Variants in MYOF observed in about 807,000 individuals in gnomAD.
The protein encoded by MYOF is myoferlin, also known as fer-1-like 3, myoferlin.
In MYOF, 244 loss-of-function variants were observed where a neutral mutation model predicts 284.2. That is an observed-to-expected ratio of 0.86 (90% CI 0.77 to 0.95). MYOF has a LOEUF of 0.95. Among genes scored for constraint, MYOF ranks in the 40% least tolerant of loss-of-function variants. The probability of loss-of-function intolerance (pLI) is 0.00; values close to 1 mark genes in which losing one functional copy is unlikely to be tolerated. For synonymous variants in MYOF, 904 were observed against 919.7 expected (o/e 0.98, Z 0.31); for missense variants, 2,496 against 2,560.6 (o/e 0.97, Z 0.54).
rs1845063317 is a variant in MYOF, at chr10:93,361,377, C to A, written c.2974+75G>T. On this transcript the variant is annotated intron_variant, in intron 28 of 53. Coordinates refer to ENST00000359263, the MANE Select transcript of MYOF (RefSeq NM_013451.4). ...ACCAACAGAAGTGAGGCCCCTCCCTCCCAAGGAAACTTTATCCTGGTTAAC... is the reference window on the plus strand; with the variant it reads ...ACCAACAGAAGTGAGGCCCCTCCCTACCAAGGAAACTTTATCCTGGTTAAC... 4 of 1,429,620 alleles carry A rather than the reference C, an allele frequency of 2.8e-6. No homozygotes were observed. In the South Asian group the frequency reaches 4.9e-5, roughly 17 times the overall value. The allele number at this position is 1,429,620 out of a possible 1,614,324, so 88.6% of individuals were successfully genotyped here.
rs756295774 is a variant in MYOF, at chr10:93,372,921, G to A, written c.2457+9C>T. The A allele has an allele frequency of 3.1e-6, 5 of 1,614,120 alleles. No homozygotes were observed. Among genetic ancestry groups the A allele is most frequent in the Non-Finnish European group, 8.5e-7 (1 of 1,179,958 alleles). ...AGTGTGTTTCACATGACACAGTGAA[G>A]ATATGTACCTTCAGAAAGATGGTTT... On this transcript the variant is annotated intron_variant, in intron 24 of 53. Transcript: ENST00000359263.
intron 3 of MYOF, among the ~76,000 whole-genome samples, chr10:93,439,076 C>G (rs981779432): frequency 2.6e-5 from 4 of 152,252 alleles, no homozygotes; most frequent in Non-Finnish European, 5.9e-5. Context: ...CTGACATAGC[C>G]TGAAGGCTGT....
At chr10:93,323,623 T>C (rs937739485) in intron 46 of MYOF, 1 of 451,670 alleles carries the variant, frequency 2.2e-6, no homozygotes, top group Admixed American at 3.9e-5. Flanking sequence ...GGGTCTCGCC[T>C]GGTTAATAAA....
intron 17 of MYOF, among the ~76,000 whole-genome samples, chr10:93,392,007 TG>T (rs1172740723): frequency 2.0e-5 from 3 of 152,198 alleles, no homozygotes; most frequent in African/African-American, 7.2e-5. Flanking sequence ...GGTTCTATCA[TG>T]TGATACTACT....
At chr10:93,319,698 T>C (rs1052405240) in intron 49 of MYOF, among the ~76,000 whole-genome samples, 174 bp downstream of exon 49, 1 of 152,086 alleles carries the variant, frequency 6.6e-6, no homozygotes, top group African/African-American at 2.4e-5. Context: ...CACAAATACC[T>C]GTCCTAGCAG....
chr10:93,440,826 G>T (rs947124784), intron 3 of MYOF, among the ~76,000 whole-genome samples: 3 of 152,000 alleles, frequency 2.0e-5, no homozygotes, highest in Non-Finnish European at 4.4e-5. Context: ...CAGCCTCTCT[G>T]GGTATCTTTC....
At chr10:93,358,212 G>A (rs787631) in intron 29 of MYOF, among the ~76,000 whole-genome samples, 1 of 152,052 alleles carries the variant, frequency 6.6e-6, no homozygotes, top group Non-Finnish European at 1.5e-5. Context: ...TCAACATCAC[G>A]GATCACTAGA....
At chr10:93,369,509 C>T in intron 25 of MYOF, 136 bp downstream of exon 25, 2 of 1,245,996 alleles carry the variant, frequency 1.6e-6, no homozygotes, top group South Asian at 3.1e-5. Context: ...GGTTAAGATC[C>T]CTTCGATGGG....
At chr10:93,316,881 C>T in intron 49 of MYOF, 68 bp from the exon 50 acceptor site, 1 of 1,329,216 alleles carries the variant, frequency 7.5e-7, no homozygotes, top group Non-Finnish European at 1.1e-6. Context: ...AAGACAGCAT[C>T]AAAGCCTGGG....
intron 2 of MYOF, among the ~76,000 whole-genome samples, chr10:93,456,057 C>T (rs1229640430): frequency 2.0e-5 from 3 of 152,102 alleles, no homozygotes; most frequent in African/African-American, 7.2e-5. Flanking sequence ...TATATGTCTT[C>T]AGTAGAATAT....
chr10:93,330,610 T>C (rs1467663990), intron 43 of MYOF, among the ~76,000 whole-genome samples: 1 of 152,134 alleles, frequency 6.6e-6, no homozygotes, highest in Non-Finnish European at 1.5e-5. Flanking sequence ...ACTCCTGAGA[T>C]GAAGAGAAAG....
intron 46 of MYOF, chr10:93,324,485 C>T (rs775492662): frequency 3.9e-5 from 6 of 152,216 alleles, no homozygotes; most frequent in Non-Finnish European, 7.3e-5. Context: ...GTGGCTAATG[C>T]TGGAGGCAGA....
At chr10:93,338,396 C>T (rs1159348635) in intron 39 of MYOF, 1 of 456,474 alleles carries the variant, frequency 2.2e-6, no homozygotes, top group Non-Finnish European at 4.4e-6. Context: ...ATGTTATAAG[C>T]CATACCCTTA....
At chr10:93,391,444 A>C (rs890249118) in intron 17 of MYOF, among the ~76,000 whole-genome samples, 2 of 151,684 alleles carry the variant, frequency 1.3e-5, no homozygotes, top group African/African-American at 4.8e-5. Flanking sequence ...ACACAAAAAA[A>C]ATTAGCCAGG....
intron 48 of MYOF, among the ~76,000 whole-genome samples, chr10:93,320,920 ACT>A (rs1181957309): frequency 9.3e-5 from 14 of 151,176 alleles, no homozygotes; most frequent in East Asian, 1.9e-4. Context: ...GGCTGGAAAA[ACT>A]CTCTGAGCCT....
intron 3 of MYOF, among the ~76,000 whole-genome samples, chr10:93,435,357 T>C (rs1308430501): frequency 6.6e-6 from 1 of 152,234 alleles, no homozygotes; most frequent in Non-Finnish European, 1.5e-5. Flanking sequence ...AACCCGTTAA[T>C]TATTTTTATG....
intron 3 of MYOF, among the ~76,000 whole-genome samples, chr10:93,432,316 A>G (rs1300898088): frequency 6.6e-6 from 1 of 152,008 alleles, no homozygotes; most frequent in Non-Finnish European, 1.5e-5. Flanking sequence ...TGAACCCAGG[A>G]GGTTGAGCTT....
chr10:93,341,770 T>C (rs1843929015), intron 38 of MYOF: 2 of 410,228 alleles, frequency 4.9e-6, no homozygotes. Flanking sequence ...ATTCTTCTTT[T>C]AGGCTTAAAA....
chr10:93,480,970 T>C (rs1324653704), intron 1 of MYOF, among the ~76,000 whole-genome samples: 3 of 152,160 alleles, frequency 2.0e-5, no homozygotes, highest in East Asian at 3.9e-4. Flanking sequence ...AACACATGTC[T>C]ATCCATGCTC....
Sources: allele counts gnomAD v4.1 joint callset (sites outside exome capture counted in the v4.1 genomes callset), GRCh38; gene constraint gnomAD v4.1.1; transcripts MANE v1.5; gene names NCBI Gene and HGNC (gene_info 2026-07-23, HGNC 2026-07-21).